Variants in ZFP1 observed in about 807,000 individuals in gnomAD.
The protein encoded by ZFP1 is ZFP1 zinc finger protein.
Under a neutral mutation model 38.5 loss-of-function variants are expected in ZFP1, and 32 were observed. That is an observed-to-expected ratio of 0.83 (90% CI 0.63 to 1.12). The LOEUF is 1.12. Among genes scored for constraint, ZFP1 ranks in the 50% most tolerant of loss-of-function variants. ZFP1 has a pLI of 0.00. For missense variants in ZFP1, 616 were observed against 480.8 expected (o/e 1.28, Z -2.63); for synonymous variants, 245 against 168.8 (o/e 1.45, Z -3.50).
chr16:75,159,724 A>G (rs954866615), intron 2 of ZFP1, among the ~76,000 whole-genome samples: 2 of 151,990 alleles, frequency 1.3e-5, no homozygotes, highest in Admixed American at 1.3e-4. Context: ...GCTTTTTCAC[A>G]TGTCTAGCAG....
chr16:75,120,687 C>T, the ZFP1 span, among the ~76,000 whole-genome samples: 14 of 151,968 alleles, frequency 9.2e-5, no homozygotes, highest in Non-Finnish European at 2.1e-4. Context: ...CTGCAAGCTC[C>T]GCCTCCCGGG....
chr16:75,123,605 G>A, the ZFP1 span, among the ~76,000 whole-genome samples: 2 of 149,674 alleles, frequency 1.3e-5, no homozygotes, highest in East Asian at 4.0e-4. Context: ...AGCCTCCCAA[G>A]TAGCTGGGAC....
chr16:75,168,064 A>C (rs1211875155), intron 3 of ZFP1, among the ~76,000 whole-genome samples: 1 of 152,116 alleles, frequency 6.6e-6, no homozygotes, highest in Non-Finnish European at 1.5e-5. Flanking sequence ...CCATCTCAAA[A>C]AAACAAAAAT....
At chr16:75,119,686 G>A in the ZFP1 span, 1 of 152,150 alleles carries the variant, frequency 6.6e-6, no homozygotes, top group Non-Finnish European at 1.5e-5. Context: ...TATAAATTGT[G>A]TGATCATTTG....
At chr16:75,125,028 G>C in the ZFP1 span, among the ~76,000 whole-genome samples, 2 of 152,012 alleles carry the variant, frequency 1.3e-5, no homozygotes, top group Non-Finnish European at 2.9e-5. Context: ...TTGGGAGGCC[G>C]AGGTGGGTGG....
intron 2 of ZFP1, among the ~76,000 whole-genome samples, chr16:75,156,943 G>A (rs1381582921): frequency 6.6e-6 from 1 of 152,220 alleles, no homozygotes; most frequent in African/African-American, 2.4e-5. Context: ...TAAAAAGTTG[G>A]TACAGTGGCC....
At chr16:75,132,901 C>G in the ZFP1 span, among the ~76,000 whole-genome samples, 1 of 151,562 alleles carries the variant, frequency 6.6e-6, no homozygotes, top group Admixed American at 6.6e-5. Flanking sequence ...CTCAGGTGAT[C>G]CATCCACCTC....
chr16:75,165,057 A>T (rs11859447), intron 2 of ZFP1, among the ~76,000 whole-genome samples: 7,474 of 152,044 alleles, frequency 0.049, 630 homozygotes, highest in African/African-American at 0.17. Context: ...CACCCACTTC[A>T]GCCTCCCAAA....
At chr16:75,161,414 T>A (rs1467783123) in intron 2 of ZFP1, among the ~76,000 whole-genome samples, 1 of 151,808 alleles carries the variant, frequency 6.6e-6, no homozygotes, top group Non-Finnish European at 1.5e-5. Context: ...GTGCCATGGT[T>A]CAGCATGATC....
At chr16:75,126,529 G>A in the ZFP1 span, among the ~76,000 whole-genome samples, 1 of 152,218 alleles carries the variant, frequency 6.6e-6, no homozygotes, top group Non-Finnish European at 1.5e-5. Context: ...TCAGCCTCCT[G>A]GGTGGCTAGG....
chr16:75,121,153 G>T, the ZFP1 span, among the ~76,000 whole-genome samples: 17 of 151,428 alleles, frequency 1.1e-4, no homozygotes, highest in East Asian at 9.7e-4. Flanking sequence ...ACAATCCTAT[G>T]ATAAATTTCT....
chr16:75,154,080 C>T (rs2145509514), intron 2 of ZFP1, among the ~76,000 whole-genome samples: 1 of 152,234 alleles, frequency 6.6e-6, no homozygotes, highest in Non-Finnish European at 1.5e-5. Flanking sequence ...AAAAATTAGC[C>T]AGGCGTGGTG....
intron 3 of ZFP1, among the ~76,000 whole-genome samples, chr16:75,168,504 A>G (rs2038223565): frequency 6.6e-6 from 1 of 151,924 alleles, no homozygotes; most frequent in South Asian, 2.1e-4. Flanking sequence ...GAAAAGTAGG[A>G]TATGATAGTG....
At chr16:75,133,001 G>A in the ZFP1 span, among the ~76,000 whole-genome samples, 22 of 140,878 alleles carry the variant, frequency 1.6e-4, no homozygotes, top group African/African-American at 4.3e-4. Flanking sequence ...TTTTCAAGAC[G>A]GAGTCTTGCC....
At chr16:75,121,411 C>A in the ZFP1 span, among the ~76,000 whole-genome samples, 1 of 152,154 alleles carries the variant, frequency 6.6e-6, no homozygotes, top group Admixed American at 6.5e-5. Context: ...AGGAATGAAC[C>A]ACCACACCCG....
intron 2 of ZFP1, among the ~76,000 whole-genome samples, chr16:75,158,712 A>G (rs1398889630): frequency 7.2e-6 from 1 of 137,938 alleles, no homozygotes; most frequent in Non-Finnish European, 1.6e-5. Context: ...GTGTGTTCCT[A>G]TTTTCCCTTT....
At chr16:75,161,227 C>T (rs1400096813) in intron 2 of ZFP1, among the ~76,000 whole-genome samples, 1 of 152,040 alleles carries the variant, frequency 6.6e-6, no homozygotes, top group African/African-American at 2.4e-5. Flanking sequence ...CGCCACCACG[C>T]CTGGCTAATT....
chr16:75,161,218 G>A (rs1214306262), intron 2 of ZFP1, among the ~76,000 whole-genome samples: 4 of 152,012 alleles, frequency 2.6e-5, no homozygotes, highest in East Asian at 3.9e-4. Flanking sequence ...CAAGGTGTGC[G>A]CCACCACGCC....
In ZFP1 at chr16:75,148,634, G is replaced by A. The variant is rs902080143; in HGVS notation, c.-53G>A. On this transcript the variant is annotated 5_prime_UTR_variant, in exon 1 of 4. Coordinates refer to ENST00000570010, the MANE Select transcript of ZFP1 (RefSeq NM_153688.4). ...GCACTGGGCCACGAGTGGAGGCTGC[G>A]CCCCTCCAGGTACGAGAGGGGCTTC... is the stretch of plus-strand genomic sequence containing the variant. 3 of 152,304 alleles carry A rather than the reference G, an allele frequency of 2.0e-5. No individual in the cohort carries two copies. The highest frequency in any genetic ancestry group is 7.2e-5 in the African/African-American group (3 of 41,468). The allele number at this position is 152,304 out of a possible 1,614,324, so 9.4% of individuals were successfully genotyped here.
Sources: gnomAD v4.1 joint callset for allele counts (sites outside exome capture counted in the v4.1 genomes callset) on GRCh38, gnomAD v4.1.1 for gene constraint, MANE v1.5 for transcripts, NCBI Gene and HGNC (gene_info 2026-07-23, HGNC 2026-07-21) for gene names.